Variants in TMEM132C observed in about 807,000 individuals in gnomAD.
The protein encoded by TMEM132C is transmembrane protein 132C, also known as protein phosphatase 1, regulatory subunit 152.
A neutral mutation model predicts 61.4 loss-of-function variants in TMEM132C; 29 were observed. That is an observed-to-expected ratio of 0.47 (90% CI 0.35 to 0.64). TMEM132C has a LOEUF of 0.64. Among genes scored for constraint, TMEM132C ranks in the 30% least tolerant of loss-of-function variants. The pLI, the probability that TMEM132C is intolerant of heterozygous loss-of-function variation, is 0.00. For missense variants in TMEM132C, 1,408 were observed against 1,476.9 expected (o/e 0.95, Z 0.76); for synonymous variants, 656 against 633.1 (o/e 1.04, Z -0.54).
intron 2 of TMEM132C, among the ~76,000 whole-genome samples, chr12:128,538,865 G>A (rs11837663): frequency 1.3e-5 from 2 of 152,034 alleles, no homozygotes; most frequent in Non-Finnish European, 2.9e-5. Context: ...TTAATATTCA[G>A]TGTTTAAAAT....
chr12:128,689,208 G>A (rs1343674987), intron 5 of TMEM132C, among the ~76,000 whole-genome samples: 1 of 152,108 alleles, frequency 6.6e-6, no homozygotes, highest in Non-Finnish European at 1.5e-5. Flanking sequence ...GTGATATAAT[G>A]TATGAATATA....
intron 3 of TMEM132C, among the ~76,000 whole-genome samples, chr12:128,580,773 T>A (rs1875305261): frequency 6.6e-6 from 1 of 152,176 alleles, no homozygotes; most frequent in Admixed American, 6.5e-5. Flanking sequence ...CGCGCCAGCT[T>A]GCTACCCTCA....
At chr12:128,378,893 G>T (rs1874311376) in intron 1 of TMEM132C, among the ~76,000 whole-genome samples, 2 of 152,190 alleles carry the variant, frequency 1.3e-5, no homozygotes, top group African/African-American at 4.8e-5. Context: ...TTGTGATAGT[G>T]AGTTTTCTTG....
chr12:128,372,604 C>G (rs1874061043), intron 1 of TMEM132C, among the ~76,000 whole-genome samples: 1 of 152,120 alleles, frequency 6.6e-6, no homozygotes, highest in African/African-American at 2.4e-5. Flanking sequence ...CATATCCTGT[C>G]TAGTTCCAAA....
chr12:128,477,761 T>C (rs113562543), intron 2 of TMEM132C, among the ~76,000 whole-genome samples: 450 of 152,302 alleles, frequency 3.0e-3, no homozygotes, highest in African/African-American at 0.01. Context: ...TGCATTTTTT[T>C]AGTAGAGACA....
chr12:128,523,495 A>C (rs1421871761), intron 2 of TMEM132C, among the ~76,000 whole-genome samples: 2 of 152,198 alleles, frequency 1.3e-5, no homozygotes, highest in Non-Finnish European at 2.9e-5. Flanking sequence ...ATCTGGAGAC[A>C]GAACTAGATT....
intron 2 of TMEM132C, among the ~76,000 whole-genome samples, chr12:128,435,256 C>T (rs1033667230): frequency 1.3e-5 from 2 of 152,172 alleles, no homozygotes; most frequent in Admixed American, 6.6e-5. Flanking sequence ...TCTGTGATGG[C>T]AGCCCTAAGA....
chr12:128,669,344 C>A, intron 4 of TMEM132C, 73 bp from the exon 5 acceptor site: 1 of 1,505,272 alleles, frequency 6.6e-7, no homozygotes, highest in East Asian at 2.5e-5. Flanking sequence ...TGGGAGATTC[C>A]CCCTAGAATT....
chr12:128,614,810 T>A (rs1412582204), intron 3 of TMEM132C, among the ~76,000 whole-genome samples: 1 of 152,188 alleles, frequency 6.6e-6, no homozygotes, highest in African/African-American at 2.4e-5. Flanking sequence ...TCACATAATC[T>A]CTAGGAGAAC....
At chr12:128,269,501 A>G (rs1402468669) in intron 1 of TMEM132C, among the ~76,000 whole-genome samples, 1 of 152,150 alleles carries the variant, frequency 6.6e-6, no homozygotes, top group African/African-American at 2.4e-5. Flanking sequence ...TATTTGCACA[A>G]CAAGGGAAAG....
chr12:128,436,459 A>C (rs1456710970), intron 2 of TMEM132C, among the ~76,000 whole-genome samples: 1 of 152,182 alleles, frequency 6.6e-6, no homozygotes, highest in East Asian at 1.9e-4. Context: ...ACAAGAAAAA[A>C]TCAACCCCAT....
At chr12:128,344,740 T>C (rs1443348742) in intron 1 of TMEM132C, among the ~76,000 whole-genome samples, 5 of 152,194 alleles carry the variant, frequency 3.3e-5, no homozygotes, top group African/African-American at 1.2e-4. Context: ...CATCTTTTCA[T>C]GAACTTATCA....
chr12:128,575,303 A>AC (rs1470562944), intron 3 of TMEM132C, among the ~76,000 whole-genome samples: 2 of 152,106 alleles, frequency 1.3e-5, no homozygotes, highest in African/African-American at 4.8e-5. Flanking sequence ...CCATGGTGAA[A>AC]CCCCATCTCT....
chr12:128,477,367 G>T (rs1018370638), intron 2 of TMEM132C, among the ~76,000 whole-genome samples: 2 of 152,182 alleles, frequency 1.3e-5, no homozygotes, highest in Admixed American at 1.3e-4. Flanking sequence ...CCCGCATGAG[G>T]CCAAAGCTTG....
At chr12:128,569,665 A>G (rs1025756642) in intron 3 of TMEM132C, among the ~76,000 whole-genome samples, 1 of 152,220 alleles carries the variant, frequency 6.6e-6, no homozygotes, top group African/African-American at 2.4e-5. Context: ...TGGAGAGAGT[A>G]GTAAAACCTG....
chr12:128,330,425 C>T (rs2037319844), intron 1 of TMEM132C, among the ~76,000 whole-genome samples: 1 of 152,128 alleles, frequency 6.6e-6, no homozygotes, highest in Admixed American at 6.5e-5. Flanking sequence ...TAGTGGTGTG[C>T]ACCTGTAGTC....
In TMEM132C at chr12:128,475,078, C is replaced by A. The variant is rs138790095; in HGVS notation, c.974+59458C>A. Among the ~76,000 whole-genome samples, 329 of 152,216 alleles carry A rather than the reference C, an allele frequency of 2.2e-3. 1 individual carries two copies. The highest frequency in any genetic ancestry group is 7.1e-3 in the African/African-American group (293 of 41,524). ...ACGTGAGGATGTGGCAACAATTCTG[C>A]AGAAGGGCTGTGGGTGGGGGCACAG... is the stretch of plus-strand genomic sequence containing the variant. On this transcript the variant is annotated intron_variant, in intron 2 of 8. Coordinates refer to ENST00000435159, the MANE Select transcript of TMEM132C (RefSeq NM_001136103.3).
chr12:128,535,130 C>G (rs569552573), intron 2 of TMEM132C, among the ~76,000 whole-genome samples: 2 of 152,206 alleles, frequency 1.3e-5, no homozygotes, highest in Admixed American at 1.3e-4. Context: ...CCCTCAAGCA[C>G]GTCCTGGCCT....
chr12:128,322,983 C>G (rs1565900948), intron 1 of TMEM132C, among the ~76,000 whole-genome samples: 1 of 152,078 alleles, frequency 6.6e-6, no homozygotes, highest in Non-Finnish European at 1.5e-5. Flanking sequence ...AAGTGCCTGC[C>G]CTGTTCTAGG....
Sources: allele counts gnomAD v4.1 joint callset (sites outside exome capture counted in the v4.1 genomes callset), GRCh38; gene constraint gnomAD v4.1.1; transcripts MANE v1.5; gene names NCBI Gene and HGNC (gene_info 2026-07-23, HGNC 2026-07-21).